Variants in PLCL2 observed in about 807,000 individuals in gnomAD.
The protein encoded by PLCL2 is phospholipase C like 2.
Under a neutral mutation model 79.6 loss-of-function variants are expected in PLCL2, and 4 were observed. That is an observed-to-expected ratio of 0.05 (90% CI 0.02 to 0.11). The LOEUF is 0.11. Among genes scored for constraint, PLCL2 ranks in the 10% least tolerant of loss-of-function variants. The pLI is 1.00. For missense variants in PLCL2, 895 were observed against 1,291.0 expected, an observed-to-expected ratio of 0.69 and a Z score of 4.70; for synonymous variants, 484 against 457.7, an observed-to-expected ratio of 1.06 and a Z score of -0.73.
chr3:17,053,683 G>A (rs12487053), intron 4 of PLCL2, among the ~76,000 whole-genome samples: 25,881 of 152,100 alleles, frequency 0.17, 2,791 homozygotes, highest in Non-Finnish European at 0.25. Flanking sequence ...TTACTTCCAA[G>A]TTACAATGGG....
At chr3:17,012,826 G>C (rs763833068) in intron 2 of PLCL2, among the ~76,000 whole-genome samples, 1 of 152,210 alleles carries the variant, frequency 6.6e-6, no homozygotes, top group Non-Finnish European at 1.5e-5. Flanking sequence ...GAGTGACACA[G>C]AGCTAGACAG....
chr3:16,971,418 C>G (rs1287169309), intron 1 of PLCL2, among the ~76,000 whole-genome samples: 1 of 152,138 alleles, frequency 6.6e-6, no homozygotes, highest in East Asian at 1.9e-4. Flanking sequence ...TTCCATTGAT[C>G]TGTATCTCTG....
intron 1 of PLCL2, among the ~76,000 whole-genome samples, chr3:17,001,554 T>G (rs533034888): frequency 6.6e-6 from 1 of 152,284 alleles, no homozygotes; most frequent in Admixed American, 6.5e-5. Flanking sequence ...AGGGATCTAG[T>G]TTTATTCTTT....
intron 4 of PLCL2, among the ~76,000 whole-genome samples, chr3:17,059,448 G>GTA (rs2064923952): frequency 4.7e-5 from 2 of 42,440 alleles, no homozygotes; most frequent in Admixed American, 2.1e-4. Context: ...ATATGTGTGT[G>GTA]TGTGTATATA....
Position 17,090,520 on chromosome 3 carries a change from A to G in PLCL2, c.*608A>G, listed in dbSNP as rs2065262075. ...GGGTAGAGATGATGTAAAAGCAGCCAATCTGGAAACAATACATTGTAAATA... is the reference window on the plus strand; with the variant it reads ...GGGTAGAGATGATGTAAAAGCAGCCGATCTGGAAACAATACATTGTAAATA... On this transcript the variant is annotated 3_prime_UTR_variant, in exon 6 of 6. Transcript: ENST00000615277. 1 of 152,792 alleles carries G rather than the reference A, an allele frequency of 6.5e-6. No individual in the cohort carries two copies. The highest frequency in any genetic ancestry group is 1.5e-5 in the Non-Finnish European group (1 of 68,140). 9.5% of individuals were successfully genotyped at this position (152,792 alleles called of 1,614,324 possible).
chr3:16,990,336 T>C (rs572672711), intron 1 of PLCL2, among the ~76,000 whole-genome samples: 1 of 152,260 alleles, frequency 6.6e-6, no homozygotes, highest in African/African-American at 2.4e-5. Context: ...CACCCAGTCT[T>C]TTTCACTTAG....
chr3:17,009,734 G>C lies in PLCL2; in HGVS notation c.388G>C (p.Glu130Gln). ...AGTCTCATTCAGCAGCATGCCAACA[G>C]AGAAGAAGATCAGCAGTGCAAGTGA... The part of the protein sequence containing the change: ...KTVSFSSMPT[E>Q]KKISSASDCI... Residue 130 changes from glutamate (E) to glutamine (Q), a missense_variant, in exon 2 of 6, where the codon GAG becomes CAG. Physicochemically the swap from Glu to Gln is conservative, Grantham distance 29 (BLOSUM62 2). Transcript: ENST00000615277. The surrounding 1 kb of genome is among the most constrained non-coding windows in gnomAD (Gnocchi z 4.0). 1 of 1,612,006 alleles carries C rather than the reference G, an allele frequency of 6.2e-7. No individual in the cohort carries two copies. Among genetic ancestry groups the C allele is most frequent in the South Asian group, 1.1e-5 (1 of 91,052 alleles).
chr3:16,932,064 A>C (rs891906366), intron 1 of PLCL2, among the ~76,000 whole-genome samples: 4 of 152,174 alleles, frequency 2.6e-5, no homozygotes, highest in African/African-American at 9.7e-5. Context: ...CCACACTGGC[A>C]CCCTGATCTC....
rs370531599 is a variant in PLCL2 at position 17,059,320 on chromosome 3, A to G, written c.3095-8636A>G. Reference sequence around the variant, plus strand: ...CTCAAACCTGGGAGGCAGAGGTTGCAGTGAGCCGAGATTGCACCACTGCAC... The same window carrying G: ...CTCAAACCTGGGAGGCAGAGGTTGCGGTGAGCCGAGATTGCACCACTGCAC... On this transcript the variant is annotated intron_variant, in intron 4 of 5. Transcript: ENST00000615277. Among the ~76,000 whole-genome samples, 5 of 151,014 alleles carry G rather than the reference A, an allele frequency of 3.3e-5. No individual in the cohort carries two copies. The South Asian group carries it at 1.0e-3, about 32-fold the overall frequency.
rs1163944710 is a variant in PLCL2 at position 16,913,928 on chromosome 3, C to T, written c.327+28562C>T. ...TACAGGGACTGTAGCATTAATGTAA[C>T]ACCCACTATAATGTGTTTCTTTTAA... is the stretch of plus-strand genomic sequence containing the variant. On this transcript the variant is annotated intron_variant, in intron 1 of 5. Coordinates refer to ENST00000615277, the MANE Select transcript of PLCL2 (RefSeq NM_001144382.2). Among the ~76,000 whole-genome samples the T allele has an allele frequency of 2.0e-5, 3 of 152,284 alleles. No homozygotes were observed. In the East Asian group the frequency reaches 5.8e-4, roughly 29 times the overall value.
intron 1 of PLCL2, among the ~76,000 whole-genome samples, chr3:16,990,382 TA>T (rs2064093048): frequency 6.6e-6 from 1 of 152,214 alleles, no homozygotes; most frequent in African/African-American, 2.4e-5. Context: ...TCATGCATTT[TA>T]ACTCCCTTCT....
In PLCL2 at chr3:17,076,563, C is replaced by T. The variant is rs147832124; in HGVS notation, c.3204+8498C>T. On this transcript the variant is annotated intron_variant, in intron 5 of 5. Transcript: ENST00000615277. ...TCTTGCCCAGGCTGGAGTGCAGTGGCGTGAACACTACTCATTGCAGCCTCA... is the reference window on the plus strand; with the variant it reads ...TCTTGCCCAGGCTGGAGTGCAGTGGTGTGAACACTACTCATTGCAGCCTCA... Among the ~76,000 whole-genome samples, 40 of 152,082 alleles carry T rather than the reference C, an allele frequency of 2.6e-4. No individual in the cohort carries two copies. In the East Asian group the frequency reaches 5.8e-3, roughly 22 times the overall value.
chr3:16,896,020 C>G (rs1434322291), intron 1 of PLCL2, among the ~76,000 whole-genome samples: 4 of 152,146 alleles, frequency 2.6e-5, no homozygotes, highest in African/African-American at 9.7e-5. Context: ...GTTGGTGATT[C>G]CAAATGTGGG....
intron 1 of PLCL2, among the ~76,000 whole-genome samples, chr3:16,961,848 A>G (rs531314668): frequency 1.3e-5 from 2 of 152,304 alleles, no homozygotes; most frequent in South Asian, 4.1e-4. Context: ...CAAGGGGGCA[A>G]AGGCGGTGAG....
chr3:17,075,551 A>C (rs2065101364), intron 5 of PLCL2, among the ~76,000 whole-genome samples: 1 of 151,876 alleles, frequency 6.6e-6, no homozygotes, highest in Admixed American at 6.6e-5. Flanking sequence ...TGTGTAAAAA[A>C]AAAAAAAAAA....
chr3:16,930,588 C>T (rs1472546795), intron 1 of PLCL2, among the ~76,000 whole-genome samples: 1 of 152,174 alleles, frequency 6.6e-6, no homozygotes. Flanking sequence ...TCTTGTGATA[C>T]AGCCTTCTTC....
chr3:17,004,826 C>A (rs1474787685), intron 1 of PLCL2, among the ~76,000 whole-genome samples: 1 of 152,060 alleles, frequency 6.6e-6, no homozygotes, highest in African/African-American at 2.4e-5. Flanking sequence ...ATTTTTCTAA[C>A]CCCCAGTTTC....
intron 4 of PLCL2, among the ~76,000 whole-genome samples, chr3:17,047,438 T>G (rs1400198687): frequency 6.6e-6 from 1 of 152,038 alleles, no homozygotes; most frequent in Non-Finnish European, 1.5e-5. Flanking sequence ...AGGATCAAAC[T>G]AAATGAAAGA....
chr3:16,930,987 A>T (rs1020228482), intron 1 of PLCL2, among the ~76,000 whole-genome samples: 2 of 152,080 alleles, frequency 1.3e-5, no homozygotes, highest in African/African-American at 2.4e-5. Context: ...AAAGGCAGGT[A>T]GTAGGGTAGG....
Sources: allele counts gnomAD v4.1 joint callset (sites outside exome capture counted in the v4.1 genomes callset), GRCh38; gene constraint gnomAD v4.1.1; non-coding constraint Gnocchi (gnomAD v3.1); transcripts MANE v1.5; gene names NCBI Gene and HGNC (gene_info 2026-07-23, HGNC 2026-07-21).